TAFA4: variants seen among roughly 807,000 people sequenced by gnomAD.
TAFA4 encodes the protein TAFA chemokine like family member 4.
Under a neutral mutation model 21.1 loss-of-function variants are expected in TAFA4, and 20 were observed. That is an observed-to-expected ratio of 0.95 (90% CI 0.67 to 1.38). The LOEUF (loss-of-function observed/expected upper bound fraction) is 1.38, where lower values mean the gene tolerates loss of function less well. Among genes scored for constraint, TAFA4 ranks in the 40% most tolerant of loss-of-function variants. TAFA4 has a pLI of 0.00. For missense variants in TAFA4, 211 were observed against 180.9 expected, an observed-to-expected ratio of 1.17 and a Z score of -0.95; for synonymous variants, 71 against 67.4, an observed-to-expected ratio of 1.05 and a Z score of -0.26.
intron 1 of TAFA4, among the ~76,000 whole-genome samples, chr3:68,914,291 A>T (rs2089984590): frequency 6.6e-6 from 1 of 152,218 alleles, no homozygotes; most frequent in Non-Finnish European, 1.5e-5. Flanking sequence ...GCTGTCAAAG[A>T]GAAAAAAGTA....
At chr3:68,741,060 T>C (rs1299142453) in intron 4 of TAFA4, among the ~76,000 whole-genome samples, 2 of 152,222 alleles carry the variant, frequency 1.3e-5, no homozygotes, top group Admixed American at 6.5e-5. Context: ...AGCTTTGTAA[T>C]ATAATTGGAA....
intron 3 of TAFA4, among the ~76,000 whole-genome samples, chr3:68,765,642 C>T (rs936473639): frequency 3.3e-5 from 5 of 152,182 alleles, no homozygotes; most frequent in South Asian, 4.2e-4. Flanking sequence ...GCAGAGTAAC[C>T]GCCTGTGTGT....
intron 5 of TAFA4, among the ~76,000 whole-genome samples, chr3:68,735,874 G>A (rs1409097714): frequency 6.6e-6 from 1 of 152,054 alleles, no homozygotes; most frequent in East Asian, 1.9e-4. Context: ...TGTTGTAGAA[G>A]CTGTCTGTGC....
At chr3:68,805,325 G>A (rs1001525966) in intron 3 of TAFA4, among the ~76,000 whole-genome samples, 6 of 152,174 alleles carry the variant, frequency 3.9e-5, no homozygotes, top group African/African-American at 1.4e-4. Context: ...AGAGGATGTG[G>A]AGAAATAGGA....
intron 3 of TAFA4, among the ~76,000 whole-genome samples, chr3:68,825,042 G>A (rs1704196837): frequency 6.6e-6 from 1 of 152,114 alleles, no homozygotes; most frequent in Non-Finnish European, 1.5e-5. Context: ...GTAAACATGT[G>A]CCATGGTGGT....
chr3:68,783,002 TA>T (rs1703179463), intron 3 of TAFA4, among the ~76,000 whole-genome samples: 1 of 152,216 alleles, frequency 6.6e-6, no homozygotes, highest in East Asian at 1.9e-4. Context: ...GATTTAATGT[TA>T]AAAATAGATC....
intron 3 of TAFA4, among the ~76,000 whole-genome samples, chr3:68,825,513 T>C (rs986317800): frequency 6.1e-5 from 9 of 148,216 alleles, no homozygotes; most frequent in African/African-American, 2.4e-4. Flanking sequence ...GTTTCTTTAA[T>C]GGCTTTCTGG....
At chr3:68,889,427 G>GT (rs140402425) in intron 1 of TAFA4, among the ~76,000 whole-genome samples, 8,168 of 152,300 alleles carry the variant, frequency 0.054, 311 homozygotes, top group Non-Finnish European at 0.082. Context: ...TAGAGAGGCT[G>GT]TGCCTTCCTC....
At chr3:68,798,266 TG>T (rs1252548479) in intron 3 of TAFA4, among the ~76,000 whole-genome samples, 10 of 152,112 alleles carry the variant, frequency 6.6e-5, no homozygotes, top group African/African-American at 2.4e-4. Flanking sequence ...AATGCAGAAA[TG>T]AAAAATATTC....
intron 1 of TAFA4, among the ~76,000 whole-genome samples, chr3:68,909,719 G>A (rs916213918): frequency 7.2e-5 from 11 of 152,172 alleles, no homozygotes; most frequent in Non-Finnish European, 1.2e-4. Flanking sequence ...ATCCTGACAC[G>A]TAATTCACAT....
intron 3 of TAFA4, among the ~76,000 whole-genome samples, chr3:68,782,529 T>C (rs1007725090): frequency 1.3e-5 from 2 of 152,258 alleles, no homozygotes; most frequent in Non-Finnish European, 2.9e-5. Flanking sequence ...AAATGTGATA[T>C]ATTCATACAA....
At chr3:68,770,988 A>G (rs1702946655) in intron 3 of TAFA4, among the ~76,000 whole-genome samples, 1 of 152,282 alleles carries the variant, frequency 6.6e-6, no homozygotes, top group East Asian at 1.9e-4. Flanking sequence ...ACCAGCAGAC[A>G]CCGGCAGACC....
chr3:68,777,011 G>A (rs1328429401), intron 3 of TAFA4, among the ~76,000 whole-genome samples: 4 of 151,920 alleles, frequency 2.6e-5, no homozygotes, highest in Non-Finnish European at 5.9e-5. Context: ...ATAAATTATT[G>A]TCAGCAACTC....
intron 3 of TAFA4, among the ~76,000 whole-genome samples, chr3:68,842,045 C>A (rs184980665): frequency 1.4e-4 from 22 of 152,226 alleles, no homozygotes; most frequent in African/African-American, 5.1e-4. Context: ...GATTTATAAT[C>A]CTTTGGGTAT....
At chr3:68,867,913 A>T (rs1575649353) in intron 3 of TAFA4, among the ~76,000 whole-genome samples, 1 of 152,242 alleles carries the variant, frequency 6.6e-6, no homozygotes, top group Non-Finnish European at 1.5e-5. Context: ...CCACAGAGGA[A>T]GAAGACAGTA....
intron 1 of TAFA4, among the ~76,000 whole-genome samples, chr3:68,917,601 A>C (rs1175277440): frequency 1.3e-5 from 2 of 151,892 alleles, no homozygotes; most frequent in African/African-American, 4.8e-5. Flanking sequence ...ACAAATACAA[A>C]AAATTAGCCG....
chr3:68,750,493 A>T lies in TAFA4; in HGVS notation c.286+2370T>A, dbSNP rs566932902. On this transcript the variant is annotated intron_variant, in intron 4 of 5. Coordinates refer to ENST00000295569, the MANE Select transcript of TAFA4 (RefSeq NM_182522.5). ...GCATTTGTGTAAAACACACACTCAT[A>T]TTGAAATCTACCACTGTTTTCTACA... is the stretch of plus-strand genomic sequence containing the variant. 1.8e-4 allele frequency among the ~76,000 whole-genome samples: 28 copies of T among 152,344 alleles called. 1 individual carries two copies. The highest frequency in any genetic ancestry group is 1.6e-3 in the Admixed American group (24 of 15,306).
chr3:68,903,034 C>T (rs769196867), intron 1 of TAFA4, among the ~76,000 whole-genome samples: 5 of 152,140 alleles, frequency 3.3e-5, no homozygotes, highest in Non-Finnish European at 5.9e-5. Context: ...AGGGACAGGA[C>T]TCTGGAGAGC....
intron 3 of TAFA4, among the ~76,000 whole-genome samples, chr3:68,797,747 T>C (rs1703480786): frequency 6.6e-6 from 1 of 151,762 alleles, no homozygotes; most frequent in Admixed American, 6.6e-5. Flanking sequence ...AGTAGTCAAA[T>C]TCATAAAGAC....
Sources: allele counts gnomAD v4.1 joint callset (sites outside exome capture counted in the v4.1 genomes callset), GRCh38; gene constraint gnomAD v4.1.1; transcripts MANE v1.5; gene names NCBI Gene and HGNC (gene_info 2026-07-23, HGNC 2026-07-21).